CORO2B: variants seen among roughly 807,000 people sequenced by gnomAD.
CORO2B encodes coronin 2B.
In CORO2B, 26 loss-of-function variants were observed where a neutral mutation model predicts 58.8. That is an observed-to-expected ratio of 0.44 (90% confidence interval 0.32 to 0.61). The LOEUF (loss-of-function observed/expected upper bound fraction) is 0.61. Among genes scored for constraint, CORO2B ranks in the 20% least tolerant of loss-of-function variants. The pLI is 0.04. For missense variants in CORO2B, 460 were observed against 645.1 expected, an observed-to-expected ratio of 0.71 and a Z score of 3.11; for synonymous variants, 242 against 253.8, an observed-to-expected ratio of 0.95 and a Z score of 0.44.
At chr15:68,655,382 C>A (rs1186383268) in intron 2 of CORO2B, among the ~76,000 whole-genome samples, 1 of 152,166 alleles carries the variant, frequency 6.6e-6, no homozygotes. Context: ...CAGTCCATGC[C>A]TCTCGCCGGC....
the CORO2B span, among the ~76,000 whole-genome samples, chr15:68,544,927 C>T: frequency 6.6e-6 from 1 of 152,192 alleles, no homozygotes; most frequent in African/African-American, 2.4e-5. Flanking sequence ...CAGGCGCCCA[C>T]CATCATGCCC....
At chr15:68,683,148 C>T (rs1214298980) in intron 2 of CORO2B, among the ~76,000 whole-genome samples, 1 of 152,196 alleles carries the variant, frequency 6.6e-6, no homozygotes, top group Non-Finnish European at 1.5e-5. Flanking sequence ...GACGGAGCTC[C>T]ACCCGCCCAG....
intron 1 of CORO2B, among the ~76,000 whole-genome samples, chr15:68,587,398 C>T (rs1159101769): frequency 1.3e-5 from 2 of 152,300 alleles, no homozygotes; most frequent in East Asian, 3.9e-4. Context: ...TGGGTAGGTG[C>T]TCATGCTAAT....
Position 68,710,846 on chromosome 15 carries a change from A to G in CORO2B, c.448A>G (p.Asn150Asp). 6.2e-7 allele frequency: 1 copy of G among 1,611,044 alleles called. No homozygotes were observed. Among genetic ancestry groups the G allele is most frequent in the South Asian group, 1.1e-5 (1 of 90,016 alleles). Reference protein sequence around the residue: ...VGLVEWHPTTNNILFSAGYDY... With the variant: ...VGLVEWHPTTDNILFSAGYDY... ...GCTGGTCGAGTGGCACCCCACCACC[A>G]ACAACATCCTGTTCAGCGCTGGCTA... Residue 150 changes from asparagine to aspartate, a missense_variant, in exon 4 of 12, where the codon AAC becomes GAC. This residue lies in a region of CORO2B where 352 missense variants were observed against 543.0 expected (regional missense o/e 0.65). Transcript: ENST00000261861. This position sits in a 1 kb window ranked among gnomAD's most constrained non-coding sequence, Gnocchi z 4.1.
At chr15:68,668,023 G>T (rs1902252671) in intron 2 of CORO2B, among the ~76,000 whole-genome samples, 3 of 152,202 alleles carry the variant, frequency 2.0e-5, no homozygotes, top group African/African-American at 4.8e-5. Flanking sequence ...ACGTACAACG[G>T]GCCAGGGACT....
At chr15:68,702,446 C>T (rs1892674754) in intron 3 of CORO2B, among the ~76,000 whole-genome samples, 1 of 152,162 alleles carries the variant, frequency 6.6e-6, no homozygotes, top group Admixed American at 6.5e-5. Flanking sequence ...CCTCCTACCT[C>T]CCTGGGTTTG....
At chr15:68,668,521 G>T (rs952003246) in intron 2 of CORO2B, among the ~76,000 whole-genome samples, 1 of 152,220 alleles carries the variant, frequency 6.6e-6, no homozygotes, top group Non-Finnish European at 1.5e-5. Flanking sequence ...CTGCAAACTT[G>T]AATGGGATGG....
chr15:68,553,636 G>A, the CORO2B span, among the ~76,000 whole-genome samples: 7 of 152,258 alleles, frequency 4.6e-5, no homozygotes, highest in Non-Finnish European at 8.8e-5. Context: ...TTTGTTACAA[G>A]TGGAAGGCTT....
At chr15:68,701,478 A>ATCTTTTTTT (rs1892645649) in intron 3 of CORO2B, among the ~76,000 whole-genome samples, 1 of 38,828 alleles carries the variant, frequency 2.6e-5, no homozygotes, top group Non-Finnish European at 4.5e-5. Flanking sequence ...CGCCCGGCTA[A>ATCTTTTTTT]TTTTTTTTTT....
chr15:68,632,125 G>A (rs1223851280), intron 1 of CORO2B: 1 of 985,402 alleles, frequency 1.0e-6, no homozygotes, highest in African/African-American at 1.7e-5. Context: ...TATCTTGACT[G>A]CTGCAGCGGG....
Position 68,714,053 on chromosome 15 carries a change from G to T in CORO2B, c.765+12G>T. The T allele has an allele frequency of 6.3e-7, 1 of 1,583,742 alleles. No individual in the cohort carries two copies. The highest frequency in any genetic ancestry group is 8.7e-7 in the Non-Finnish European group (1 of 1,152,884). On this transcript the variant is annotated intron_variant, in intron 6 of 11. Coordinates refer to ENST00000261861, the MANE Select transcript of CORO2B (RefSeq NM_006091.5). ...CCCTCTGGGACCAGGTCAGCCACGG[G>T]GAGGCCTGCTGGGTTTGGGCTAAAG...
chr15:68,608,740 TC>T (rs1900182424), intron 1 of CORO2B, among the ~76,000 whole-genome samples: 1 of 152,072 alleles, frequency 6.6e-6, no homozygotes, highest in African/African-American at 2.4e-5. Context: ...TCTCCACCCC[TC>T]CCCTGCCCAG....
the CORO2B span, among the ~76,000 whole-genome samples, chr15:68,537,368 G>A: frequency 6.6e-6 from 1 of 152,250 alleles, no homozygotes; most frequent in Middle Eastern, 3.4e-3. Flanking sequence ...AGACTACTAG[G>A]CAATAGCATG....
At chr15:68,614,874 G>A (rs927047286) in intron 1 of CORO2B, among the ~76,000 whole-genome samples, 4 of 152,248 alleles carry the variant, frequency 2.6e-5, no homozygotes, top group African/African-American at 7.2e-5. Flanking sequence ...CCCGAGGCTG[G>A]TCCGGGCCTG....
chr15:68,663,176 T>C (rs937329014), intron 2 of CORO2B, among the ~76,000 whole-genome samples: 14 of 152,246 alleles, frequency 9.2e-5, no homozygotes, highest in Admixed American at 9.2e-4. Flanking sequence ...CTTGCTTTTT[T>C]ACATGTAATT....
chr15:68,528,451 T>C, the CORO2B span, among the ~76,000 whole-genome samples: 2 of 152,164 alleles, frequency 1.3e-5, no homozygotes, highest in African/African-American at 4.8e-5. Context: ...ATGATTAACT[T>C]TTGGATATCA....
intron 3 of CORO2B, among the ~76,000 whole-genome samples, chr15:68,698,881 C>G (rs1232993188): frequency 1.3e-5 from 2 of 152,156 alleles, no homozygotes; most frequent in Non-Finnish European, 2.9e-5. Context: ...CCACCCCACC[C>G]ACCAAAACGT....
rs1042854269 is a variant in CORO2B, at chr15:68,645,047, G to A, written c.16-113G>A. ...ATCTCTTCCTGACAGGGGACCCAGG[G>A]CCTGCTCACCTGCTGCACCTCTGAG... On this transcript the variant is annotated intron_variant, in intron 1 of 11. Coordinates refer to ENST00000261861, the MANE Select transcript of CORO2B (RefSeq NM_006091.5). This position sits in a 1 kb window ranked among gnomAD's most constrained non-coding sequence, Gnocchi z 4.5. 7 of 1,051,120 alleles carry A rather than the reference G, an allele frequency of 6.7e-6. No homozygotes were observed. The highest frequency in any genetic ancestry group is 8.3e-6 in the Non-Finnish European group (6 of 722,278). The allele number at this position is 1,051,120 out of a possible 1,614,324, so 65.1% of individuals were successfully genotyped here.
intron 1 of CORO2B, among the ~76,000 whole-genome samples, chr15:68,580,591 G>A (rs912851874): frequency 6.6e-6 from 1 of 152,208 alleles, no homozygotes; most frequent in South Asian, 2.1e-4. Context: ...ATGAACTTGA[G>A]GGTGCAGGGG....
Sources: allele counts gnomAD v4.1 joint callset (sites outside exome capture counted in the v4.1 genomes callset), GRCh38; gene constraint gnomAD v4.1.1; regional missense constraint gnomAD v4.1.1; non-coding constraint Gnocchi (gnomAD v3.1); transcripts MANE v1.5; gene names NCBI Gene and HGNC (gene_info 2026-07-23, HGNC 2026-07-21).